SEMA5A: variants seen among roughly 807,000 people sequenced by gnomAD.
The protein encoded by SEMA5A is semaphorin-5A.
Under a neutral mutation model 135.5 loss-of-function variants are expected in SEMA5A, and 55 were observed. That is an observed-to-expected ratio of 0.41 (90% confidence interval 0.33 to 0.51). The LOEUF (loss-of-function observed/expected upper bound fraction) is 0.51, where lower values mean the gene tolerates loss of function less well. Among genes scored for constraint, SEMA5A ranks in the 20% least tolerant of loss-of-function variants. The pLI, the probability that SEMA5A is intolerant of heterozygous loss-of-function variation, is 0.37. For missense variants in SEMA5A, 1,290 were observed against 1,419.9 expected (o/e 0.91, Z 1.47); for synonymous variants, 580 against 546.5 (o/e 1.06, Z -0.85).
intron 1 of SEMA5A, among the ~76,000 whole-genome samples, chr5:9,502,080 G>C (rs1374891505): frequency 6.6e-6 from 1 of 152,104 alleles, no homozygotes; most frequent in Non-Finnish European, 1.5e-5. Flanking sequence ...TGAGCATTCT[G>C]AATTGGCTCT....
intron 5 of SEMA5A, among the ~76,000 whole-genome samples, chr5:9,257,812 G>C (rs892525225): frequency 4.6e-5 from 7 of 151,718 alleles, no homozygotes; most frequent in Non-Finnish European, 8.8e-5. Context: ...ATCCATGGGA[G>C]GGTTCAGCAA....
chr5:9,325,084 A>G (rs1173333592), intron 4 of SEMA5A, among the ~76,000 whole-genome samples: 2 of 152,248 alleles, frequency 1.3e-5, no homozygotes, highest in Non-Finnish European at 2.9e-5. Flanking sequence ...CTTTGAATGC[A>G]TTAGTTGTAT....
intron 12 of SEMA5A, among the ~76,000 whole-genome samples, chr5:9,142,346 A>G (rs1477210438): frequency 6.6e-6 from 1 of 152,110 alleles, no homozygotes; most frequent in African/African-American, 2.4e-5. Flanking sequence ...GTGGGGAGAG[A>G]ACTTGGAGAG....
At chr5:9,187,759 C>T (rs373423311) in intron 11 of SEMA5A, among the ~76,000 whole-genome samples, 25 of 152,294 alleles carry the variant, frequency 1.6e-4, no homozygotes, top group East Asian at 5.8e-4. Context: ...CGAATCTCTG[C>T]GAAATGCATT....
At chr5:9,275,780 A>T (rs796581558) in intron 5 of SEMA5A, among the ~76,000 whole-genome samples, 21 of 152,342 alleles carry the variant, frequency 1.4e-4, no homozygotes, top group African/African-American at 5.1e-4. Context: ...ACAAAATTCA[A>T]CAATGTTCAT....
At chr5:9,232,186 AT>A (rs921914613) in intron 6 of SEMA5A, among the ~76,000 whole-genome samples, 14 of 151,794 alleles carry the variant, frequency 9.2e-5, no homozygotes, top group African/African-American at 2.2e-4. Flanking sequence ...GCATTTCATG[AT>A]TTTTTTTTAA....
intron 5 of SEMA5A, among the ~76,000 whole-genome samples, chr5:9,259,290 T>C (rs1157488925): frequency 1.3e-5 from 2 of 152,214 alleles, no homozygotes; most frequent in Non-Finnish European, 2.9e-5. Context: ...TCCCCACATG[T>C]TCACTTGAAA....
At chr5:9,258,822 T>C (rs1181322893) in intron 5 of SEMA5A, among the ~76,000 whole-genome samples, 1 of 138,254 alleles carries the variant, frequency 7.2e-6, no homozygotes, top group African/African-American at 2.7e-5. Flanking sequence ...TTTTTTTTTT[T>C]TTTTTTCCCT....
intron 5 of SEMA5A, among the ~76,000 whole-genome samples, chr5:9,239,748 TG>T (rs1425059349): frequency 1.3e-5 from 2 of 152,004 alleles, no homozygotes; most frequent in African/African-American, 2.4e-5. Context: ...CAAGAGGAAC[TG>T]GTGTTACACA....
chr5:9,047,239 A>AT (rs1276150582), intron 21 of SEMA5A, among the ~76,000 whole-genome samples: 1 of 152,222 alleles, frequency 6.6e-6, no homozygotes, highest in Non-Finnish European at 1.5e-5. Flanking sequence ...ATGTTTCATT[A>AT]TAACATAGGG....
At chr5:9,410,877 A>G (rs1757082493) in intron 2 of SEMA5A, among the ~76,000 whole-genome samples, 2 of 152,094 alleles carry the variant, frequency 1.3e-5, no homozygotes, top group Admixed American at 6.6e-5. Context: ...AAGCAGGAAA[A>G]AAAAAAAAGA....
At chr5:9,394,474 C>T (rs1424178596) in intron 2 of SEMA5A, among the ~76,000 whole-genome samples, 3 of 152,140 alleles carry the variant, frequency 2.0e-5, no homozygotes, top group African/African-American at 7.2e-5. Context: ...GCCACAAGAC[C>T]AGAGCCTGGC....
At chr5:9,076,842 A>G (rs1302026901) in intron 16 of SEMA5A, among the ~76,000 whole-genome samples, 1 of 151,580 alleles carries the variant, frequency 6.6e-6, no homozygotes, top group Non-Finnish European at 1.5e-5. Context: ...ATAGCCAGCC[A>G]GTGCATTGAC....
At chr5:9,215,848 G>C (rs1746590432) in intron 8 of SEMA5A, among the ~76,000 whole-genome samples, 1 of 151,452 alleles carries the variant, frequency 6.6e-6, no homozygotes, top group African/African-American at 2.4e-5. Flanking sequence ...CCAACTCCAG[G>C]ATTCACTAAT....
At chr5:9,276,709 G>A (rs955803721) in intron 5 of SEMA5A, among the ~76,000 whole-genome samples, 2 of 152,126 alleles carry the variant, frequency 1.3e-5, no homozygotes, top group Non-Finnish European at 2.9e-5. Context: ...CAAACAATGG[G>A]GAAAGGATTC....
intron 5 of SEMA5A, among the ~76,000 whole-genome samples, chr5:9,315,861 G>A (rs1234476624): frequency 6.6e-6 from 1 of 152,060 alleles, no homozygotes; most frequent in Non-Finnish European, 1.5e-5. Context: ...AAGTTTTCCT[G>A]TTGTAATTAA....
intron 5 of SEMA5A, 56 bp downstream of exon 5, chr5:9,318,316 A>T: frequency 6.5e-7 from 1 of 1,527,218 alleles, no homozygotes; most frequent in East Asian, 2.3e-5. Context: ...ATCCCCTCAA[A>T]CAGTGAGTTA....
chr5:9,501,307 CTGAGA>C (rs1338662792), intron 1 of SEMA5A, among the ~76,000 whole-genome samples: 1 of 152,130 alleles, frequency 6.6e-6, no homozygotes, highest in African/African-American at 2.4e-5. Flanking sequence ...ATGTAGAAGG[CTGAGA>C]TAAGAGAAAC....
intron 2 of SEMA5A, among the ~76,000 whole-genome samples, chr5:9,432,646 C>A (rs1757898242): frequency 6.6e-6 from 1 of 152,180 alleles, no homozygotes; most frequent in South Asian, 2.1e-4. Context: ...AAAGCGAGAT[C>A]TAGATTCAAT....
Sources: gnomAD v4.1 joint callset for allele counts (sites outside exome capture counted in the v4.1 genomes callset) on GRCh38, gnomAD v4.1.1 for gene constraint, MANE v1.5 for transcripts, NCBI Gene and HGNC (gene_info 2026-07-23, HGNC 2026-07-21) for gene names.